SEPTIN14: variants seen among roughly 807,000 people sequenced by gnomAD.
SEPTIN14 encodes the protein septin-14.
Under a neutral mutation model 53.6 loss-of-function variants are expected in SEPTIN14, and 40 were observed. That is an observed-to-expected ratio of 0.75 (90% CI 0.58 to 0.97). SEPTIN14 has a LOEUF of 0.97. SEPTIN14 is among the 50% of genes least tolerant of loss of function. SEPTIN14 has a pLI of 0.00. For synonymous variants in SEPTIN14, 138 were observed against 166.8 expected, an observed-to-expected ratio of 0.83 and a Z score of 1.33; for missense variants, 471 against 508.2, an observed-to-expected ratio of 0.93 and a Z score of 0.70.
At chr7:55,835,327 C>G (rs986021331) in intron 5 of SEPTIN14, among the ~76,000 whole-genome samples, 2 of 151,806 alleles carry the variant, frequency 1.3e-5, no homozygotes, top group Non-Finnish European at 2.9e-5. Context: ...CTCAGCCTCC[C>G]GAGTAGCTGG....
At chr7:55,861,295 C>G (rs529629339) in intron 2 of SEPTIN14, among the ~76,000 whole-genome samples, 1 of 151,888 alleles carries the variant, frequency 6.6e-6, no homozygotes, top group Non-Finnish European at 1.5e-5. Flanking sequence ...GTCAGGAGTT[C>G]GAGACCAGCC....
chr7:55,809,259 T>TGAGGGTG (rs893141704), intron 7 of SEPTIN14, among the ~76,000 whole-genome samples: 1 of 150,556 alleles, frequency 6.6e-6, no homozygotes, highest in African/African-American at 2.4e-5. Context: ...GGGGCCTCCT[T>TGAGGGTG]GAGGGTGGAG....
intron 2 of SEPTIN14, among the ~76,000 whole-genome samples, chr7:55,851,104 A>C (rs1424538335): frequency 6.6e-6 from 1 of 152,200 alleles, no homozygotes; most frequent in Non-Finnish European, 1.5e-5. Flanking sequence ...ACATTCTGCA[A>C]CTTGCTTTTT....
intron 5 of SEPTIN14, among the ~76,000 whole-genome samples, chr7:55,838,552 C>CCTTT (rs1446525104): frequency 8.5e-6 from 1 of 118,054 alleles, no homozygotes; most frequent in Admixed American, 1.1e-4. Context: ...TCCCTTCCTT[C>CCTTT]CTTTCTTTCT....
chr7:55,802,324 T>C lies in SEPTIN14; in HGVS notation c.1119+2934A>G, dbSNP rs540741957. Among the ~76,000 whole-genome samples the C allele has an allele frequency of 2.0e-5, 3 of 152,144 alleles. No homozygotes were observed. In the South Asian group the frequency reaches 6.2e-4, roughly 32 times the overall value. On this transcript the variant is annotated intron_variant, in intron 9 of 9. Transcript: ENST00000388975. ...CTGGCCAGGAGAATACACTTCTAAA[T>C]GCATTCGAAGAAGACATTATTACTC... is the stretch of plus-strand genomic sequence containing the variant.
chr7:55,815,564 T>C (rs766132258), intron 7 of SEPTIN14, among the ~76,000 whole-genome samples: 2 of 151,328 alleles, frequency 1.3e-5, no homozygotes, highest in Admixed American at 6.6e-5. Context: ...TCATTGTGGG[T>C]TTTTTTAAAT....
intron 2 of SEPTIN14, among the ~76,000 whole-genome samples, chr7:55,847,797 T>A (rs1336349797): frequency 6.6e-6 from 1 of 152,040 alleles, no homozygotes; most frequent in Admixed American, 6.6e-5. Flanking sequence ...AATCTACTAC[T>A]AATAACACCA....
chr7:55,843,112 C>G lies in SEPTIN14; in HGVS notation c.388G>C (p.Asp130His), dbSNP rs750436745. 5.4e-5 allele frequency: 85 copies of G among 1,583,470 alleles called. No homozygotes were observed. The African/African-American group carries it at 1.0e-3, about 19-fold the overall frequency. The change falls in exon 5 of 10, where the codon GAC becomes CAC. Residue 130 changes from aspartate (D) to histidine (H), a missense_variant. Coordinates refer to ENST00000388975, the MANE Select transcript of SEPTIN14 (RefSeq NM_207366.3). The part of the protein sequence containing the change: ...DKEASYQPIV[D>H]YIDAQFEAYL... The stretch of plus-strand genomic sequence containing the variant: ...GCCTCAAATTGGGCATCTATGTAGT[C>G]AACTATTGGTTGGTAGCTAAAAAAA...
In SEPTIN14 at chr7:55,846,649, C is replaced by A. The variant is rs768444230; in HGVS notation, c.55-12G>T. Reference sequence around the variant, plus strand: ...TTATTTTCTTTTTGCTTAAATAAAACAAAAATTTAGAGTTTTGTGTTAGAA... The same window carrying A: ...TTATTTTCTTTTTGCTTAAATAAAAAAAAAATTTAGAGTTTTGTGTTAGAA... On this transcript the variant is annotated splice_polypyrimidine_tract_variant and intron_variant, in intron 2 of 9. Coordinates refer to ENST00000388975, the MANE Select transcript of SEPTIN14 (RefSeq NM_207366.3). 2 of 1,359,600 alleles carry A rather than the reference C, an allele frequency of 1.5e-6. No homozygotes were observed. Among genetic ancestry groups the A allele is most frequent in the East Asian group, 2.3e-5 (1 of 42,938 alleles). The allele number at this position is 1,359,600 out of a possible 1,614,324, so 84.2% of individuals were successfully genotyped here.
intron 9 of SEPTIN14, among the ~76,000 whole-genome samples, chr7:55,803,840 T>C (rs1264305849): frequency 6.6e-6 from 1 of 151,848 alleles, no homozygotes; most frequent in African/African-American, 2.4e-5. Context: ...TAAGTCTTCA[T>C]GAGGCCAGGC....
At chr7:55,840,426 C>A (rs921586803) in intron 5 of SEPTIN14, among the ~76,000 whole-genome samples, 2 of 151,412 alleles carry the variant, frequency 1.3e-5, no homozygotes, top group Non-Finnish European at 2.9e-5. Flanking sequence ...GAGGCAGAGG[C>A]TACAGTGAGC....
intron 6 of SEPTIN14, among the ~76,000 whole-genome samples, chr7:55,824,097 T>C (rs1351343979): frequency 6.6e-6 from 1 of 152,156 alleles, no homozygotes. Context: ...ACTTCATCGA[T>C]ATAACACTGA....
intron 7 of SEPTIN14, among the ~76,000 whole-genome samples, chr7:55,809,322 T>C (rs1466669634): frequency 6.7e-6 from 1 of 150,278 alleles, no homozygotes; most frequent in Non-Finnish European, 1.5e-5. Flanking sequence ...TTTTTTTTTT[T>C]TTTTTTTTTG....
intron 2 of SEPTIN14, among the ~76,000 whole-genome samples, chr7:55,847,610 C>A (rs988086445): frequency 6.6e-6 from 1 of 152,078 alleles, no homozygotes; most frequent in African/African-American, 2.4e-5. Flanking sequence ...TGTAATTTAT[C>A]AAACAAAGTG....
chr7:55,858,013 A>G (rs1789675387), intron 2 of SEPTIN14, among the ~76,000 whole-genome samples: 1 of 152,220 alleles, frequency 6.6e-6, no homozygotes, highest in Non-Finnish European at 1.5e-5. Flanking sequence ...CTCTCAAGTT[A>G]CAGAACTGGG....
Position 55,834,605 on chromosome 7 carries a change from A to G in SEPTIN14, c.559-19T>C. The G allele has an allele frequency of 1.3e-6, 2 of 1,565,426 alleles. No individual in the cohort carries two copies. Among genetic ancestry groups the G allele is most frequent in the South Asian group, 1.2e-5 (1 of 84,784 alleles). Reference sequence around the variant, plus strand: ...TATTCACCTATGAAGAAAGAAGACAAACAAAATCTCATCATTGTTCATCTC... The same window carrying G: ...TATTCACCTATGAAGAAAGAAGACAGACAAAATCTCATCATTGTTCATCTC... On this transcript the variant is annotated intron_variant, in intron 5 of 9. Coordinates refer to ENST00000388975, the MANE Select transcript of SEPTIN14 (RefSeq NM_207366.3).
rs184621968 is a variant in SEPTIN14 at position 55,816,762 on chromosome 7, C to T, written c.817+2365G>A. On this transcript the variant is annotated intron_variant, in intron 7 of 9. Transcript: ENST00000388975. ...GCAGTGAGCCAAGATCACACCATTGCACTCCAGCCTGGGCAACAAGAGCTA... is the reference window on the plus strand; with the variant it reads ...GCAGTGAGCCAAGATCACACCATTGTACTCCAGCCTGGGCAACAAGAGCTA... Among the ~76,000 whole-genome samples, 44 of 152,086 alleles carry T rather than the reference C, an allele frequency of 2.9e-4. No homozygotes were observed. In the East Asian group the frequency reaches 7.3e-3, roughly 25 times the overall value.
chr7:55,858,505 T>C (rs1464287176), intron 2 of SEPTIN14, among the ~76,000 whole-genome samples: 2 of 152,128 alleles, frequency 1.3e-5, no homozygotes, highest in Admixed American at 6.5e-5. Context: ...ACCAGAGGCA[T>C]TCAAAGCCCA....
At chr7:55,846,193 T>A (rs1024717148) in intron 3 of SEPTIN14, among the ~76,000 whole-genome samples, 1 of 149,522 alleles carries the variant, frequency 6.7e-6, no homozygotes, top group African/African-American at 2.5e-5. Flanking sequence ...AATGTGTCAA[T>A]TTTTAACAAT....
Sources: gnomAD v4.1 joint callset for allele counts (sites outside exome capture counted in the v4.1 genomes callset) on GRCh38, gnomAD v4.1.1 for gene constraint, MANE v1.5 for transcripts, NCBI Gene and HGNC (gene_info 2026-07-23, HGNC 2026-07-21) for gene names.